ATL2: variants seen among roughly 807,000 people sequenced by gnomAD.
ATL2 encodes the protein atlastin GTPase 2.
ATL2 carries 31 observed loss-of-function variants against 73.9 expected under a neutral mutation model. The ratio of observed to expected loss-of-function variants is 0.42; its 90% CI spans 0.32 to 0.57. The LOEUF (loss-of-function observed/expected upper bound fraction) is 0.57, where lower values mean the gene tolerates loss of function less well. Ranked by LOEUF, ATL2 falls within the 20% of genes least tolerant of loss-of-function variation. The probability of loss-of-function intolerance (pLI) is 0.14; values close to 1 mark genes in which losing one functional copy is unlikely to be tolerated. For synonymous variants in ATL2, 291 were observed against 237.5 expected (o/e 1.23, Z -2.07); for missense variants, 738 against 702.6 (o/e 1.05, Z -0.57).
chr2:38,366,663 T>G (rs559636256), intron 1 of ATL2, among the ~76,000 whole-genome samples: 1 of 152,320 alleles, frequency 6.6e-6, no homozygotes, highest in African/African-American at 2.4e-5. Flanking sequence ...TCAGAACATA[T>G]AAGCTTAACG....
chr2:38,368,180 C>G (rs1006502373), intron 1 of ATL2, among the ~76,000 whole-genome samples: 1 of 151,792 alleles, frequency 6.6e-6, no homozygotes, highest in African/African-American at 2.4e-5. Context: ...ATGATCCACC[C>G]ACCTCAGCCT....
chr2:38,336,569 T>A (rs1427421413), intron 2 of ATL2, among the ~76,000 whole-genome samples: 1 of 152,194 alleles, frequency 6.6e-6, no homozygotes, highest in East Asian at 1.9e-4. Flanking sequence ...AATAATTTAG[T>A]GTAGGTATAT....
intron 2 of ATL2, among the ~76,000 whole-genome samples, chr2:38,337,482 T>C (rs1669430382): frequency 2.3e-5 from 1 of 44,088 alleles, no homozygotes. Flanking sequence ...CAAGACTCTG[T>C]CTCCAAAAAA....
intron 1 of ATL2, among the ~76,000 whole-genome samples, chr2:38,366,312 T>G (rs1365245849): frequency 6.6e-6 from 1 of 152,194 alleles, no homozygotes; most frequent in Non-Finnish European, 1.5e-5. Context: ...ATCCAGTTAC[T>G]TAAACCAATT....
At chr2:38,375,943 T>C (rs1282972075) in intron 1 of ATL2, among the ~76,000 whole-genome samples, 1 of 152,224 alleles carries the variant, frequency 6.6e-6, no homozygotes, top group Non-Finnish European at 1.5e-5. Context: ...CCAGGAATGA[T>C]GAAGTATATT....
intron 11 of ATL2, 26 bp from the exon 12 acceptor site, chr2:38,298,601 C>A: frequency 6.3e-7 from 1 of 1,576,944 alleles, no homozygotes; most frequent in Non-Finnish European, 8.6e-7. Flanking sequence ...TACAGTATTA[C>A]ATGCTAGAAA....
intron 2 of ATL2, among the ~76,000 whole-genome samples, chr2:38,333,646 A>G (rs1669131147): frequency 6.6e-6 from 1 of 152,216 alleles, no homozygotes; most frequent in South Asian, 2.1e-4. Flanking sequence ...TCCAAAATGG[A>G]AATATGTGAT....
intron 9 of ATL2, among the ~76,000 whole-genome samples, chr2:38,305,813 C>G (rs1333178812): frequency 6.6e-6 from 1 of 151,488 alleles, no homozygotes; most frequent in South Asian, 2.1e-4. Flanking sequence ...GTAATAAGTG[C>G]CTACATCAAA....
At chr2:38,328,491 G>A (rs948644747) in intron 2 of ATL2, among the ~76,000 whole-genome samples, 2 of 152,046 alleles carry the variant, frequency 1.3e-5, no homozygotes, top group African/African-American at 2.4e-5. Flanking sequence ...TACCACAACA[G>A]AATTAAACTA....
chr2:38,326,696 T>C (rs1668681929), intron 2 of ATL2, among the ~76,000 whole-genome samples: 1 of 152,092 alleles, frequency 6.6e-6, no homozygotes, highest in Non-Finnish European at 1.5e-5. Context: ...CCATTACAAA[T>C]CATGCAAGCA....
At chr2:38,309,273 C>T in intron 9 of ATL2, 106 bp downstream of exon 9, 5 of 1,087,754 alleles carry the variant, frequency 4.6e-6, no homozygotes, top group Non-Finnish European at 6.3e-6. Flanking sequence ...ACAAATCTTA[C>T]TCTTTTTTGT....
Position 38,298,260 on chromosome 2 carries a change from G to T in ATL2, c.1516C>A (p.Leu506Ile), listed in dbSNP as rs1394812523. ...AATATCAGTGCTAACCCCATGACAAGGTTACACAAGACAGCTATAGAGTTT... is the reference window on the plus strand; with the variant it reads ...AATATCAGTGCTAACCCCATGACAATGTTACACAAGACAGCTATAGAGTTT... ...GLNSIAVLCNLVMGLALIFLC... is the reference protein window; with the variant it reads ...GLNSIAVLCNIVMGLALIFLC... The change falls in exon 12 of 13, where the codon CTT (leucine) becomes ATT (isoleucine). Residue 506 changes from leucine (L) to isoleucine (I), a missense_variant. Coordinates refer to ENST00000378954, the MANE Select transcript of ATL2 (RefSeq NM_001135673.4). 6.2e-7 allele frequency: 1 copy of T among 1,614,104 alleles called. No homozygotes were observed. Among genetic ancestry groups the T allele is most frequent in the South Asian group, 1.1e-5 (1 of 91,086 alleles).
At chr2:38,343,559 C>A in intron 1 of ATL2, 47 bp from the exon 2 acceptor site, 1 of 1,561,584 alleles carries the variant, frequency 6.4e-7, no homozygotes, top group Non-Finnish European at 8.7e-7. Flanking sequence ...CCCTATATTA[C>A]GAACTTTCAT....
At chr2:38,325,769 CACA>C (rs1668622409) in intron 2 of ATL2, among the ~76,000 whole-genome samples, 1 of 145,734 alleles carries the variant, frequency 6.9e-6, no homozygotes, top group African/African-American at 2.5e-5. Flanking sequence ...CACCAGTCCC[CACA>C]ACAAAAGCCT....
chr2:38,323,725 C>A (rs942938653), intron 2 of ATL2, among the ~76,000 whole-genome samples: 1 of 152,116 alleles, frequency 6.6e-6, no homozygotes, highest in Non-Finnish European at 1.5e-5. Flanking sequence ...ACGAGACAGA[C>A]AGACACAGAC....
chr2:38,365,176 C>CACACAAAT (rs1671250321), intron 1 of ATL2, among the ~76,000 whole-genome samples: 1 of 138,354 alleles, frequency 7.2e-6, no homozygotes, highest in African/African-American at 3.5e-5. Flanking sequence ...AATACACACA[C>CACACAAAT]ACACACACAC....
intron 9 of ATL2, among the ~76,000 whole-genome samples, chr2:38,301,573 G>A (rs1446088129): frequency 6.6e-6 from 1 of 152,160 alleles, no homozygotes; most frequent in Non-Finnish European, 1.5e-5. Flanking sequence ...TATGTGCTTA[G>A]GGAAGTCGAA....
At position 38,295,824 on chromosome 2, in the gene ATL2, T is replaced by C; in HGVS notation, c.*170A>G. ...CATGTCTTAGGAGCCATTAAAAGAA[T>C]GCTTAAAACTAACAAACAATCTTCA... On this transcript the variant is annotated 3_prime_UTR_variant, in exon 13 of 13. Transcript: ENST00000378954. 3.6e-6 allele frequency: 2 copies of C among 558,330 alleles called. No homozygotes were observed. Among genetic ancestry groups the C allele is most frequent in the East Asian group, 6.1e-5 (2 of 32,750 alleles). 34.6% of individuals were successfully genotyped at this position (558,330 alleles called of 1,614,324 possible). A position where few individuals can be genotyped will look rare whatever the true frequency, so the allele number is the denominator to read the frequency against.
rs1431015578 is a variant in ATL2, at chr2:38,309,518, A to G, written c.944-12T>C. Reference sequence around the variant, plus strand: ...GTCTTCATCAATATCTAGAAAACAAAAAATTGAGCAACATATTAGTCCAAA... The same window carrying G: ...GTCTTCATCAATATCTAGAAAACAAGAAATTGAGCAACATATTAGTCCAAA... On this transcript the variant is annotated splice_polypyrimidine_tract_variant and intron_variant, in intron 8 of 12. Coordinates refer to ENST00000378954, the MANE Select transcript of ATL2 (RefSeq NM_001135673.4). 6.2e-7 allele frequency: 1 copy of G among 1,605,750 alleles called. No homozygotes were observed. Among genetic ancestry groups the G allele is most frequent in the Non-Finnish European group, 8.5e-7 (1 of 1,178,496 alleles).
Sources: allele counts gnomAD v4.1 joint callset (sites outside exome capture counted in the v4.1 genomes callset), GRCh38; gene constraint gnomAD v4.1.1; transcripts MANE v1.5; gene names NCBI Gene and HGNC (gene_info 2026-07-23, HGNC 2026-07-21).